The following TNR variants were observed in gnomAD, a reference collection of about 807,000 sequenced individuals.
TNR encodes tenascin R.
A neutral mutation model predicts 150.4 loss-of-function variants in TNR; 45 were observed. The observed-to-expected ratio is 0.30, with a 90% confidence interval of 0.24 to 0.38. The LOEUF (loss-of-function observed/expected upper bound fraction) is 0.38. Among genes scored for constraint, TNR ranks in the 10% least tolerant of loss-of-function variants. The pLI is 1.00. For missense variants in TNR, 1,544 were observed against 1,759.1 expected, an observed-to-expected ratio of 0.88 and a Z score of 2.19; for synonymous variants, 687 against 678.4, an observed-to-expected ratio of 1.01 and a Z score of -0.20.
intron 1 of TNR, among the ~76,000 whole-genome samples, chr1:175,659,853 T>C (rs972788668): frequency 1.3e-5 from 2 of 150,270 alleles, no homozygotes; most frequent in African/African-American, 2.4e-5. Flanking sequence ...GAGGGCCTGT[T>C]AGAAAAAATA....
chr1:175,485,962 GT>G (rs1242488832), intron 2 of TNR, among the ~76,000 whole-genome samples: 3 of 152,120 alleles, frequency 2.0e-5, no homozygotes, highest in Non-Finnish European at 4.4e-5. Context: ...GTTTAGCAAA[GT>G]GATTTAACCT....
chr1:175,677,182 T>C (rs1334818416), intron 1 of TNR, among the ~76,000 whole-genome samples: 1 of 152,214 alleles, frequency 6.6e-6, no homozygotes, highest in Non-Finnish European at 1.5e-5. Context: ...TGCTGTTCCT[T>C]AACTGCCAGA....
Position 175,605,156 on chromosome 1 carries a change from G to A in TNR, c.-164-76787C>T, listed in dbSNP as rs114403105. Among the ~76,000 whole-genome samples, 1,059 of 152,322 alleles carry A rather than the reference G, an allele frequency of 7.0e-3. 7 individuals carry two copies. Among genetic ancestry groups the A allele is most frequent in the African/African-American group, 0.024 (999 of 41,568 alleles). On this transcript the variant is annotated intron_variant, in intron 1 of 22. Coordinates refer to ENST00000367674, the MANE Select transcript of TNR (RefSeq NM_003285.3). The stretch of plus-strand genomic sequence containing the variant: ...ACATCATAAAGATTTATCAATAGAT[G>A]AATTGTCAATCCAATAAAAACCATA...
chr1:175,729,136 G>C (rs1301675610), intron 1 of TNR, among the ~76,000 whole-genome samples: 1 of 152,042 alleles, frequency 6.6e-6, no homozygotes, highest in Non-Finnish European at 1.5e-5. Flanking sequence ...TCCTTAGCAG[G>C]TTGTTCCTTG....
At chr1:175,499,709 T>C (rs916109228) in intron 2 of TNR, among the ~76,000 whole-genome samples, 2 of 152,256 alleles carry the variant, frequency 1.3e-5, no homozygotes, top group African/African-American at 2.4e-5. Flanking sequence ...AGCCATCAGA[T>C]GCCTTCAGTG....
intron 1 of TNR, among the ~76,000 whole-genome samples, chr1:175,627,277 G>A (rs190864584): frequency 6.6e-6 from 1 of 152,274 alleles, no homozygotes; most frequent in East Asian, 1.9e-4. Context: ...TTCAAACTTT[G>A]ACTGTTTCTT....
At chr1:175,739,701 A>G (rs1667872529) in intron 1 of TNR, among the ~76,000 whole-genome samples, 1 of 152,154 alleles carries the variant, frequency 6.6e-6, no homozygotes, top group South Asian at 2.1e-4. Flanking sequence ...TTCTGGTTCT[A>G]AATTTACTCT....
chr1:175,706,359 C>T (rs924421719), intron 1 of TNR, among the ~76,000 whole-genome samples: 1 of 152,188 alleles, frequency 6.6e-6, no homozygotes, highest in South Asian at 2.1e-4. Context: ...ATTACCCCCA[C>T]TCCATATTCT....
rs60289908 is a variant in TNR, at chr1:175,445,227, A to C, written c.-63-38450T>G. 4.2e-3 allele frequency among the ~76,000 whole-genome samples: 642 copies of C among 152,280 alleles called. 3 individuals are homozygous for C. Among genetic ancestry groups the C allele is most frequent in the African/African-American group, 0.015 (612 of 41,546 alleles). ...GGAGGTTGCAGTGAGCCAAGATCGC[A>C]CCACTTCATTCCAGCCTGGGGGAAA... is the stretch of plus-strand genomic sequence containing the variant. On this transcript the variant is annotated intron_variant, in intron 2 of 22. Coordinates refer to ENST00000367674, the MANE Select transcript of TNR (RefSeq NM_003285.3).
At chr1:175,342,482 G>A (rs1429002513) in intron 18 of TNR, among the ~76,000 whole-genome samples, 1 of 152,206 alleles carries the variant, frequency 6.6e-6, no homozygotes, top group Non-Finnish European at 1.5e-5. Context: ...GGTAAGCAGG[G>A]ATGGGATCAT....
At chr1:175,462,069 A>G (rs1266592179) in intron 2 of TNR, among the ~76,000 whole-genome samples, 2 of 152,256 alleles carry the variant, frequency 1.3e-5, no homozygotes, top group Non-Finnish European at 2.9e-5. Context: ...GAAAGCACCT[A>G]TCCCAGGACC....
chr1:175,407,837 A>G (rs1185683898), intron 2 of TNR, among the ~76,000 whole-genome samples: 1 of 152,178 alleles, frequency 6.6e-6, no homozygotes. Flanking sequence ...TAAGATTTGA[A>G]TGCAGGTCTG....
At chr1:175,465,894 T>G (rs1453723475) in intron 2 of TNR, among the ~76,000 whole-genome samples, 2 of 152,182 alleles carry the variant, frequency 1.3e-5, no homozygotes. Flanking sequence ...ATTCTTGGGG[T>G]CCCACAGTGG....
intron 2 of TNR, among the ~76,000 whole-genome samples, chr1:175,522,870 T>G (rs1659695612): frequency 6.6e-6 from 1 of 152,252 alleles, no homozygotes; most frequent in Non-Finnish European, 1.5e-5. Flanking sequence ...AATTTAAATT[T>G]GTCTTTATGG....
At chr1:175,739,845 C>G (rs1667876007) in intron 1 of TNR, among the ~76,000 whole-genome samples, 1 of 152,198 alleles carries the variant, frequency 6.6e-6, no homozygotes, top group Non-Finnish European at 1.5e-5. Flanking sequence ...CTTTCCTCAG[C>G]TCACTCTCCT....
intron 1 of TNR, among the ~76,000 whole-genome samples, chr1:175,742,478 C>T (rs1667957247): frequency 6.6e-6 from 1 of 152,112 alleles, no homozygotes; most frequent in Non-Finnish European, 1.5e-5. Flanking sequence ...GTACCTCCTG[C>T]CTCCTTGCAA....
At chr1:175,392,229 A>G (rs1005618936) in intron 6 of TNR, among the ~76,000 whole-genome samples, 2 of 152,154 alleles carry the variant, frequency 1.3e-5, no homozygotes, top group African/African-American at 4.8e-5. Flanking sequence ...TATACTTTCT[A>G]TGAGTGTCCT....
Position 175,317,111 on chromosome 1 carries a change from A to ACC in TNR, c.*6244_*6245dup, listed in dbSNP as rs1648868695. 1 of 152,246 alleles carries ACC rather than the reference A, an allele frequency of 6.6e-6. No individual in the cohort carries two copies. The highest frequency in any genetic ancestry group is 1.5e-5 in the Non-Finnish European group (1 of 68,046). The allele number at this position is 152,246 out of a possible 1,614,324, so 9.4% of individuals were successfully genotyped here. A position where few individuals can be genotyped will look rare whatever the true frequency, so the allele number is the denominator to read the frequency against. On this transcript the variant is annotated 3_prime_UTR_variant, in exon 23 of 23. Coordinates refer to ENST00000367674, the MANE Select transcript of TNR (RefSeq NM_003285.3). ...CTTCCCTCTTCTATAAAATGGTTAA[A>ACC]CCTGACTTAAAGTTTATGGTGAGGA...
intron 1 of TNR, among the ~76,000 whole-genome samples, chr1:175,709,440 C>G (rs1362343219): frequency 5.3e-5 from 8 of 152,172 alleles, no homozygotes. Context: ...TTCAAATGAG[C>G]TCCCCAAATC....
Sources: allele counts gnomAD v4.1 joint callset (sites outside exome capture counted in the v4.1 genomes callset), GRCh38; gene constraint gnomAD v4.1.1; transcripts MANE v1.5; gene names NCBI Gene and HGNC (gene_info 2026-07-23, HGNC 2026-07-21).